The following SLC35D2 variants were observed in gnomAD, a reference collection of about 807,000 sequenced individuals.
SLC35D2 encodes nucleotide sugar transporter SLC35D2.
Under a neutral mutation model 41.8 loss-of-function variants are expected in SLC35D2, and 43 were observed. The observed-to-expected ratio is 1.03, with a 90% confidence interval of 0.81 to 1.33. SLC35D2 has a LOEUF of 1.33. Among genes scored for constraint, SLC35D2 ranks in the 40% most tolerant of loss-of-function variants. The probability of loss-of-function intolerance (pLI) is 0.00; values close to 1 mark genes in which losing one functional copy is unlikely to be tolerated. For synonymous variants in SLC35D2, 150 were observed against 163.9 expected, an observed-to-expected ratio of 0.92 and a Z score of 0.65; for missense variants, 380 against 408.4, an observed-to-expected ratio of 0.93 and a Z score of 0.60.
intron 8 of SLC35D2, among the ~76,000 whole-genome samples, chr9:96,338,215 C>G (rs1315549516): frequency 1.3e-5 from 2 of 152,048 alleles, no homozygotes; most frequent in Admixed American, 6.6e-5. Context: ...TTAAGCAATA[C>G]TTTGTTAGCC....
At chr9:96,353,200 T>C (rs1829881415) in intron 4 of SLC35D2, among the ~76,000 whole-genome samples, 1 of 152,024 alleles carries the variant, frequency 6.6e-6, no homozygotes, top group African/African-American at 2.4e-5. Context: ...TATGATACAT[T>C]CAGTTGAGGG....
intron 9 of SLC35D2, 105 bp downstream of exon 9, chr9:96,336,612 G>A: frequency 2.6e-6 from 2 of 765,062 alleles, no homozygotes; most frequent in Non-Finnish European, 4.3e-6. Context: ...GAGAAAGTCA[G>A]AGAAACACAA....
intron 6 of SLC35D2, among the ~76,000 whole-genome samples, chr9:96,347,378 T>A (rs1282651933): frequency 6.6e-6 from 1 of 152,148 alleles, no homozygotes. Context: ...GCTTACCCAC[T>A]GTTTGTTTAG....
intron 1 of SLC35D2, among the ~76,000 whole-genome samples, chr9:96,377,424 AT>A (rs1831006212): frequency 6.6e-6 from 1 of 152,134 alleles, no homozygotes; most frequent in African/African-American, 2.4e-5. Context: ...CTCACCAGTC[AT>A]TGTTTGCCAG....
intron 1 of SLC35D2, among the ~76,000 whole-genome samples, chr9:96,375,536 C>T (rs1453405669): frequency 2.0e-5 from 3 of 151,624 alleles, no homozygotes; most frequent in Non-Finnish European, 4.4e-5. Context: ...CAAGATCATG[C>T]CATTGCACTC....
chr9:96,374,271 A>T (rs539424710), intron 1 of SLC35D2, among the ~76,000 whole-genome samples: 1 of 152,142 alleles, frequency 6.6e-6, no homozygotes, highest in Admixed American at 6.5e-5. Flanking sequence ...TGGCTCACGC[A>T]CGGCCTGTAA....
intron 4 of SLC35D2, among the ~76,000 whole-genome samples, chr9:96,359,280 C>G (rs1254346125): frequency 2.0e-5 from 3 of 146,778 alleles, no homozygotes; most frequent in African/African-American, 7.6e-5. Context: ...CTCACTCTAG[C>G]CTGGGCGACA....
At position 96,383,514 on chromosome 9, in the gene SLC35D2, T is replaced by C. The variant is rs972612445; in HGVS notation, c.121A>G (p.Ile41Val). The C allele has an allele frequency of 4.6e-6, 7 of 1,535,852 alleles. No homozygotes were observed. The African/African-American group carries it at 8.5e-5, about 19-fold the overall frequency. Residue 41 changes from isoleucine (I) to valine (V), a missense_variant, in exon 1 of 12, where the codon ATC (isoleucine) becomes GTC (valine). By Grantham distance (29) the Ile-to-Val change is conservative (BLOSUM62 3). Transcript: ENST00000253270. The part of the protein sequence containing the change: ...ALFYGTCSFL[I>V]VLVNKALLTT... ...AGCAGCGCCTTGTTGACAAGCACGA[T>C]GAGGAAGGAGCAGGTCCCGTAGAAG...
chr9:96,380,145 C>A (rs1039232297), intron 1 of SLC35D2, among the ~76,000 whole-genome samples: 57 of 152,252 alleles, frequency 3.7e-4, no homozygotes, highest in African/African-American at 1.3e-3. Context: ...GATCCGCCCA[C>A]CTCAGCCTCC....
chr9:96,323,154 C>A (rs916130314), intron 10 of SLC35D2, among the ~76,000 whole-genome samples: 2 of 151,894 alleles, frequency 1.3e-5, no homozygotes, highest in Non-Finnish European at 2.9e-5. Context: ...AAATTCCAGG[C>A]CGTGCTCTGC....
At chr9:96,322,153 G>A (rs1201559992) in intron 10 of SLC35D2, 73 bp from the exon 11 acceptor site, 4 of 932,620 alleles carry the variant, frequency 4.3e-6, no homozygotes, top group Non-Finnish European at 6.9e-6. Context: ...AGTAAAACCT[G>A]AAACTAGACA....
At chr9:96,356,951 G>A (rs1163312831) in intron 4 of SLC35D2, among the ~76,000 whole-genome samples, 1 of 152,168 alleles carries the variant, frequency 6.6e-6, no homozygotes, top group African/African-American at 2.4e-5. Flanking sequence ...GGAGGCCGAG[G>A]CAGATGGATC....
chr9:96,362,715 G>C (rs953382024), intron 3 of SLC35D2, among the ~76,000 whole-genome samples: 1 of 152,062 alleles, frequency 6.6e-6, no homozygotes, highest in Non-Finnish European at 1.5e-5. Flanking sequence ...GTATAGATTA[G>C]ATTTTACCAT....
At position 96,368,307 on chromosome 9, in the gene SLC35D2, T is replaced by C; in HGVS notation, c.159-2A>G. 6.2e-7 allele frequency: 1 copy of C among 1,606,098 alleles called. No homozygotes were observed. On this transcript the variant is annotated splice_acceptor_variant, in intron 1 of 11. Coordinates refer to ENST00000253270, the MANE Select transcript of SLC35D2 (RefSeq NM_007001.3). LOFTEE classifies it high-confidence loss of function. Reference sequence around the variant, plus strand: ...CCAAGGAAAATTGGTGACGGGAAACTACAAAGGACACAGAACAACAAATCA... The same window carrying C: ...CCAAGGAAAATTGGTGACGGGAAACCACAAAGGACACAGAACAACAAATCA...
At position 96,324,133 on chromosome 9, in the gene SLC35D2, A is replaced by G; in HGVS notation, c.789T>C (p.Tyr263=). 1 of 1,614,028 alleles carries G rather than the reference A, an allele frequency of 6.2e-7. No homozygotes were observed. Among genetic ancestry groups the G allele is most frequent in the Non-Finnish European group, 8.5e-7 (1 of 1,179,940 alleles). The change falls in exon 10 of 12, where the codon TAT becomes TAC. Residue 263 remains tyrosine (Y), a synonymous_variant. Coordinates refer to ENST00000253270, the MANE Select transcript of SLC35D2 (RefSeq NM_007001.3). ...CTGCTGTCGTCAGGGCTGAATTGTA[A>G]TAGCTGCACAGAACCGTGGAGTACA... ...LLMYSTVLCS[Y]YNSALTTAVV...
chr9:96,366,798 C>CT (rs932696764), intron 2 of SLC35D2, among the ~76,000 whole-genome samples: 7 of 150,100 alleles, frequency 4.7e-5, no homozygotes, highest in Admixed American at 3.3e-4. Context: ...TTTTAACGTG[C>CT]TTTTTCCTAA....
rs1414221529 is a variant in SLC35D2 at position 96,337,458 on chromosome 9, T to C, written c.685-674A>G. On this transcript the variant is annotated intron_variant, in intron 8 of 11. Coordinates refer to ENST00000253270, the MANE Select transcript of SLC35D2 (RefSeq NM_007001.3). ...GTCTCAAACTCCTGGGCTCAAGTCATCTGCCTGCCTTGGCCTCCCAAAGTA... is the reference window on the plus strand; with the variant it reads ...GTCTCAAACTCCTGGGCTCAAGTCACCTGCCTGCCTTGGCCTCCCAAAGTA... Among the ~76,000 whole-genome samples the C allele has an allele frequency of 2.6e-5, 4 of 151,912 alleles. No homozygotes were observed. In the East Asian group the frequency reaches 7.8e-4, roughly 30 times the overall value.
At chr9:96,379,983 C>A (rs764772921) in intron 1 of SLC35D2, among the ~76,000 whole-genome samples, 1 of 151,434 alleles carries the variant, frequency 6.6e-6, no homozygotes, top group Non-Finnish European at 1.5e-5. Flanking sequence ...CCACAACCTC[C>A]GCCTCCCAGG....
intron 7 of SLC35D2, among the ~76,000 whole-genome samples, chr9:96,345,064 C>T (rs1030135288): frequency 6.6e-6 from 1 of 152,120 alleles, no homozygotes; most frequent in African/African-American, 2.4e-5. Context: ...AGAATAATCC[C>T]TTTTTATATG....
Sources: gnomAD v4.1 joint callset for allele counts (sites outside exome capture counted in the v4.1 genomes callset) on GRCh38, gnomAD v4.1.1 for gene constraint, MANE v1.5 for transcripts, NCBI Gene and HGNC (gene_info 2026-07-23, HGNC 2026-07-21) for gene names.